Variants in CLIP2 observed in about 807,000 individuals in gnomAD.
CLIP2 encodes CAP-Gly domain-containing linker protein 2.
A neutral mutation model predicts 111.7 loss-of-function variants in CLIP2; 41 were observed. The observed-to-expected ratio is 0.37, with a 90% CI of 0.29 to 0.48. CLIP2 has a LOEUF of 0.48. Among genes scored for constraint, CLIP2 ranks in the 20% least tolerant of loss-of-function variants. CLIP2 has a pLI of 0.99. For synonymous variants in CLIP2, 660 were observed against 644.2 expected, an observed-to-expected ratio of 1.02 and a Z score of -0.37; for missense variants, 1,160 against 1,422.1, an observed-to-expected ratio of 0.82 and a Z score of 2.96.
chr7:74,301,464 C>T (rs1336877163), intron 1 of CLIP2, among the ~76,000 whole-genome samples: 1 of 152,128 alleles, frequency 6.6e-6, no homozygotes, highest in Non-Finnish European at 1.5e-5. Context: ...CTCACTGCAA[C>T]CTCCACCTCC....
intron 2 of CLIP2, among the ~76,000 whole-genome samples, chr7:74,324,198 G>T (rs1169404440): frequency 6.6e-6 from 1 of 152,008 alleles, no homozygotes; most frequent in African/African-American, 2.4e-5. Context: ...CGCCATGTTG[G>T]TCAGGCTGGT....
intron 4 of CLIP2, among the ~76,000 whole-genome samples, chr7:74,355,421 A>G (rs1343806103): frequency 3.3e-5 from 5 of 152,136 alleles, no homozygotes; most frequent in African/African-American, 1.2e-4. Flanking sequence ...ACTAGTCTGG[A>G]CAATATAGCA....
Position 74,338,490 on chromosome 7 carries a change from C to G in CLIP2, c.164C>G (p.Pro55Arg). ...CAGTCATCTGGACCCTCCTCCTCCC[C>G]GGCCGCAGCTGCTGCCCCCGAGAAG... Reference protein sequence around the residue: ...HKQSSGPSSSPAAAAAPEKPG... With the variant: ...HKQSSGPSSSRAAAAAPEKPG... The change falls in exon 3 of 17, where the codon CCG becomes CGG. Residue 55 changes from proline to arginine, a missense_variant. Coordinates refer to ENST00000223398, the MANE Select transcript of CLIP2 (RefSeq NM_003388.5). This position sits in a 1 kb window ranked among gnomAD's most constrained non-coding sequence, Gnocchi z 4.3. 6.2e-7 allele frequency: 1 copy of G among 1,612,258 alleles called. No homozygotes were observed. The highest frequency in any genetic ancestry group is 8.5e-7 in the Non-Finnish European group (1 of 1,179,654).
At chr7:74,390,218 AAAGAAAGG>A (rs199947405) in intron 13 of CLIP2, among the ~76,000 whole-genome samples, 13,202 of 84,452 alleles carry the variant, frequency 0.16, 910 homozygotes, top group South Asian at 0.24. Context: ...AGAAAGAAAG[AAAGAAAGG>A]ATTAATGCCT....
intron 7 of CLIP2, among the ~76,000 whole-genome samples, chr7:74,362,631 T>C (rs905177058): frequency 2.2e-4 from 32 of 146,956 alleles, no homozygotes; most frequent in East Asian, 1.2e-3. Flanking sequence ...CACCTCCAGG[T>C]TCAAGCAATT....
chr7:74,323,157 C>T (rs544355254), intron 2 of CLIP2, among the ~76,000 whole-genome samples: 1 of 151,842 alleles, frequency 6.6e-6, no homozygotes, highest in Admixed American at 6.6e-5. Context: ...GTTGCCCAGG[C>T]TGGAGTGCAG....
At position 74,338,598 on chromosome 7, in the gene CLIP2, A is replaced by G; in HGVS notation, c.272A>G (p.Lys91Arg). Residue 91 changes from lysine to arginine, a missense_variant, in exon 3 of 17, where the codon AAG (lysine) becomes AGG (arginine). Coordinates refer to ENST00000223398, the MANE Select transcript of CLIP2 (RefSeq NM_003388.5). The surrounding 1 kb of genome is among the most constrained non-coding windows in gnomAD (Gnocchi z 4.3). Reference sequence around the variant, plus strand: ...GAGCGGGTGTGGGTGAACGGCGTGAAGCCAGGCGTGGTGCAGTATCTGGGA... The same window carrying G: ...GAGCGGGTGTGGGTGAACGGCGTGAGGCCAGGCGTGGTGCAGTATCTGGGA... Reference protein sequence around the residue: ...VGERVWVNGVKPGVVQYLGET... With the variant: ...VGERVWVNGVRPGVVQYLGET... The G allele has an allele frequency of 6.4e-7, 1 of 1,569,488 alleles. No homozygotes were observed. Among genetic ancestry groups the G allele is most frequent in the Non-Finnish European group, 8.6e-7 (1 of 1,158,772 alleles).
intron 2 of CLIP2, among the ~76,000 whole-genome samples, chr7:74,330,933 T>C (rs492803): frequency 0.61 from 93,036 of 151,630 alleles, 30,503 homozygotes; most frequent in Middle Eastern, 0.74. Context: ...GGCTGGGCAC[T>C]ATGGCTCACA....
intron 13 of CLIP2, among the ~76,000 whole-genome samples, chr7:74,390,601 G>A (rs916789922): frequency 3.3e-5 from 5 of 152,084 alleles, no homozygotes; most frequent in South Asian, 2.1e-4. Flanking sequence ...GTGGCAAGTC[G>A]AGGCTGCAGT....
chr7:74,342,279 G>A (rs1789677213), intron 3 of CLIP2, among the ~76,000 whole-genome samples: 1 of 152,166 alleles, frequency 6.6e-6, no homozygotes. Flanking sequence ...GGGAGGTTGA[G>A]GCAGGAGAAT....
intron 16 of CLIP2, chr7:74,401,771 TA>T: frequency 1.4e-6 from 1 of 703,096 alleles, no homozygotes; most frequent in Non-Finnish European, 2.5e-6. Flanking sequence ...CTTCCCTTCT[TA>T]AAAAAGTTAT....
chr7:74,343,221 G>C (rs1789709164), intron 3 of CLIP2, among the ~76,000 whole-genome samples: 1 of 151,800 alleles, frequency 6.6e-6, no homozygotes, highest in Non-Finnish European at 1.5e-5. Context: ...CCAGAGTGGA[G>C]CAGGAACGGC....
Position 74,359,512 on chromosome 7 carries a change from C to T in CLIP2, c.1216-663C>T, listed in dbSNP as rs570326761. Among the ~76,000 whole-genome samples the T allele has an allele frequency of 1.9e-4, 29 of 151,872 alleles. No individual in the cohort carries two copies. The East Asian group carries it at 4.5e-3, about 23-fold the overall frequency. The stretch of plus-strand genomic sequence containing the variant: ...GGGACTACAGGAGCCCACCACCACG[C>T]CCAGCTAATGTTTTTTGTATTTTTA... On this transcript the variant is annotated intron_variant, in intron 6 of 16. Transcript: ENST00000223398.
At chr7:74,326,050 C>G (rs963388028) in intron 2 of CLIP2, among the ~76,000 whole-genome samples, 1 of 151,884 alleles carries the variant, frequency 6.6e-6, no homozygotes, top group Non-Finnish European at 1.5e-5. Context: ...ACCAGCCTGG[C>G]CAACATGGTG....
chr7:74,366,733 G>A (rs1257984084), intron 8 of CLIP2, among the ~76,000 whole-genome samples: 1 of 152,120 alleles, frequency 6.6e-6, no homozygotes, highest in African/African-American at 2.4e-5. Context: ...AAAATTAGCT[G>A]GGCATGGTGA....
intron 11 of CLIP2, among the ~76,000 whole-genome samples, chr7:74,384,750 A>G (rs1023862141): frequency 9.9e-5 from 15 of 151,818 alleles, no homozygotes; most frequent in Middle Eastern, 6.8e-3. Context: ...CTGGCCTCAT[A>G]TGGTAATTCT....
intron 12 of CLIP2, among the ~76,000 whole-genome samples, chr7:74,387,776 A>G (rs994453299): frequency 6.6e-6 from 1 of 152,196 alleles, no homozygotes; most frequent in Admixed American, 6.6e-5. Flanking sequence ...CGCTCCCCAC[A>G]CCAGGAGCCC....
intron 2 of CLIP2, among the ~76,000 whole-genome samples, chr7:74,317,930 G>A (rs1478978865): frequency 2.0e-5 from 3 of 152,240 alleles, no homozygotes; most frequent in Middle Eastern, 3.4e-3. Context: ...GGTGGCTCAC[G>A]CCTGTAATCC....
At chr7:74,357,511 T>C (rs782797805) in intron 6 of CLIP2, 34 bp downstream of exon 6, 5 of 1,576,866 alleles carry the variant, frequency 3.2e-6, no homozygotes, top group Non-Finnish European at 8.6e-7. Context: ...GCAGAGCTTC[T>C]CCAGCCAGCC....
Sources: gnomAD v4.1 joint callset for allele counts (sites outside exome capture counted in the v4.1 genomes callset) on GRCh38, gnomAD v4.1.1 for gene constraint, Gnocchi (gnomAD v3.1) non-coding constraint, MANE v1.5 for transcripts, NCBI Gene and HGNC (gene_info 2026-07-23, HGNC 2026-07-21) for gene names.